Variants in NEDD9 observed in about 807,000 individuals in gnomAD.
The protein encoded by NEDD9 is enhancer of filamentation 1.
In NEDD9, 26 loss-of-function variants were observed where a neutral mutation model predicts 76.6. The observed-to-expected ratio is 0.34, with a 90% CI of 0.25 to 0.47. The LOEUF (loss-of-function observed/expected upper bound fraction) is 0.47. Ranked by LOEUF, NEDD9 falls within the 20% of genes least tolerant of loss-of-function variation. The probability of loss-of-function intolerance (pLI) is 1.00; values close to 1 mark genes in which losing one functional copy is unlikely to be tolerated. For missense variants in NEDD9, 937 were observed against 1,058.5 expected, an observed-to-expected ratio of 0.89 and a Z score of 1.59; for synonymous variants, 392 against 414.2, an observed-to-expected ratio of 0.95 and a Z score of 0.65.
chr6:11,346,968 A>G (rs73722904), intron 1 of NEDD9, among the ~76,000 whole-genome samples: 3,840 of 151,420 alleles, frequency 0.025, 121 homozygotes, highest in African/African-American at 0.074. Flanking sequence ...CTATGCTCCA[A>G]CCCCTTCCCC....
chr6:11,304,339 G>A (rs1183826338), intron 3 of NEDD9, among the ~76,000 whole-genome samples: 4 of 152,128 alleles, frequency 2.6e-5, no homozygotes, highest in South Asian at 2.1e-4. Flanking sequence ...GAAATAGGAA[G>A]GGTTTTACAC....
intron 3 of NEDD9, chr6:11,271,553 C>T (rs906164615): frequency 6.6e-6 from 1 of 152,224 alleles, no homozygotes; most frequent in African/African-American, 2.4e-5. Flanking sequence ...TAAGCAGCTA[C>T]AAGGGCCCAG....
Position 11,375,566 on chromosome 6 carries a change from G to A in NEDD9, c.-214+6573C>T, listed in dbSNP as rs545989315. Among the ~76,000 whole-genome samples the A allele has an allele frequency of 3.2e-4, 49 of 152,152 alleles. 1 individual carries two copies. The highest frequency in any genetic ancestry group is 5.7e-4 in the Non-Finnish European group (39 of 68,016). ...TAGTAGGAGGTATTGGATTATGGGG[G>A]CAGATCCCTCATGAGTGGCTTAGTG... is the stretch of plus-strand genomic sequence containing the variant. On this transcript the variant is annotated intron_variant, in intron 1 of 3. Transcript: ENST00000397378.
intron 2 of NEDD9, among the ~76,000 whole-genome samples, chr6:11,209,975 T>TTTTTTTTTTTTTG (rs1167935311): frequency 0.012 from 1,731 of 150,402 alleles, 55 homozygotes; most frequent in East Asian, 0.1. Flanking sequence ...ACTGTCTTTT[T>TTTTTTTTTTTTTG]TTTTTCCTTA....
intron 3 of NEDD9, chr6:11,251,619 C>T (rs1246172554): frequency 6.6e-6 from 1 of 152,246 alleles, no homozygotes; most frequent in Admixed American, 6.5e-5. Flanking sequence ...TCCAGCTTTC[C>T]ACGTTCCAGT....
intron 2 of NEDD9, among the ~76,000 whole-genome samples, chr6:11,309,262 G>T (rs780947767): frequency 2.0e-5 from 3 of 152,214 alleles, no homozygotes; most frequent in African/African-American, 7.2e-5. Context: ...TTGCTGTATG[G>T]TATTCCACTG....
At chr6:11,221,831 G>T (rs953970872) in intron 1 of NEDD9, among the ~76,000 whole-genome samples, 1 of 152,098 alleles carries the variant, frequency 6.6e-6, no homozygotes, top group Non-Finnish European at 1.5e-5. Context: ...ACCATATAAT[G>T]ATGAAGGCCT....
intron 3 of NEDD9, among the ~76,000 whole-genome samples, chr6:11,304,561 A>G (rs922919019): frequency 1.3e-5 from 2 of 152,208 alleles, no homozygotes; most frequent in Non-Finnish European, 2.9e-5. Context: ...CAACCCAAAT[A>G]TCCATCAATG....
intron 1 of NEDD9, among the ~76,000 whole-genome samples, chr6:11,338,729 C>T (rs1762214299): frequency 6.6e-6 from 1 of 152,084 alleles, no homozygotes; most frequent in Non-Finnish European, 1.5e-5. Context: ...CGAGACCATC[C>T]TGGCCAACAT....
chr6:11,366,313 G>A (rs12175448), intron 1 of NEDD9, among the ~76,000 whole-genome samples: 107 of 24,214 alleles, frequency 4.4e-3, no homozygotes, highest in Non-Finnish European at 6.0e-3. Context: ...GAAAGAAAGA[G>A]AAAGAAAGAA....
chr6:11,262,033 A>C (rs1760125061), intron 3 of NEDD9, among the ~76,000 whole-genome samples: 1 of 152,234 alleles, frequency 6.6e-6, no homozygotes, highest in Admixed American at 6.5e-5. Flanking sequence ...TCTTTTAAAG[A>C]AACAGAAAAA....
chr6:11,221,564 T>C (rs972493145), intron 1 of NEDD9, among the ~76,000 whole-genome samples: 5 of 152,206 alleles, frequency 3.3e-5, no homozygotes, highest in Middle Eastern at 6.8e-3. Context: ...GGTCTCAGAT[T>C]AGCGGCAGAG....
intron 3 of NEDD9, among the ~76,000 whole-genome samples, chr6:11,272,888 T>C (rs966256179): frequency 6.6e-6 from 1 of 152,246 alleles, no homozygotes; most frequent in Non-Finnish European, 1.5e-5. Context: ...TTGTTGTTTT[T>C]ATATGTTCTT....
At chr6:11,188,333 T>C (rs947224002) in intron 5 of NEDD9, 26 bp from the exon 6 acceptor site, 1 of 1,525,870 alleles carries the variant, frequency 6.6e-7, no homozygotes, top group Non-Finnish European at 9.1e-7. Flanking sequence ...ATAAAGAACA[T>C]ATTATGTCAT....
At chr6:11,248,137 A>G (rs568246746) in intron 3 of NEDD9, among the ~76,000 whole-genome samples, 2 of 152,226 alleles carry the variant, frequency 1.3e-5, no homozygotes, top group Non-Finnish European at 2.9e-5. Flanking sequence ...CCATTTTTCT[A>G]TAAGATCTTC....
At chr6:11,243,702 G>A (rs1292769421) in intron 3 of NEDD9, among the ~76,000 whole-genome samples, 1 of 152,102 alleles carries the variant, frequency 6.6e-6, no homozygotes, top group East Asian at 1.9e-4. Flanking sequence ...TTCTTTTCAG[G>A]AGCCTTTCTT....
rs752795199 is a variant in NEDD9, at chr6:11,252,395, G to A, written c.13-38668C>T. On this transcript the variant is annotated intron_variant, in intron 3 of 3. Coordinates refer to the NEDD9 transcript ENST00000397378. The surrounding 1 kb of genome is among the most constrained non-coding windows in gnomAD (Gnocchi z 4.3). ...ATATCGGAACCAGCTCTCACGTCCCGATTTCACAGTAACTCATGTATTATC... is the reference window on the plus strand; with the variant it reads ...ATATCGGAACCAGCTCTCACGTCCCAATTTCACAGTAACTCATGTATTATC... Among the ~76,000 whole-genome samples the A allele has an allele frequency of 3.3e-5, 5 of 152,154 alleles. No homozygotes were observed. Among genetic ancestry groups the A allele is most frequent in the Non-Finnish European group, 5.9e-5 (4 of 68,034 alleles).
intron 1 of NEDD9, among the ~76,000 whole-genome samples, chr6:11,377,937 G>C (rs958167260): frequency 2.0e-5 from 3 of 152,122 alleles, no homozygotes; most frequent in African/African-American, 7.2e-5. Context: ...TCTTCAATTA[G>C]TTTACATGAG....
At chr6:11,249,285 T>C (rs1234335085) in intron 3 of NEDD9, 1 of 420,890 alleles carries the variant, frequency 2.4e-6, no homozygotes, top group Non-Finnish European at 4.7e-6. Context: ...AAACCCTAGA[T>C]GAATGAGTTT....
Sources: allele counts gnomAD v4.1 joint callset (sites outside exome capture counted in the v4.1 genomes callset), GRCh38; gene constraint gnomAD v4.1.1; non-coding constraint Gnocchi (gnomAD v3.1); transcripts MANE v1.5; gene names NCBI Gene and HGNC (gene_info 2026-07-23, HGNC 2026-07-21).